The following VIT variants were observed in gnomAD, a reference collection of about 807,000 sequenced individuals.
VIT encodes the protein vitrin.
In VIT, 99 loss-of-function variants were observed where a neutral mutation model predicts 78.0. The ratio of observed to expected loss-of-function variants is 1.27; its 90% CI spans 1.08 to 1.50. The LOEUF is 1.50. Among genes scored for constraint, VIT ranks in the 40% most tolerant of loss-of-function variants. The pLI, the probability that VIT is intolerant of heterozygous loss-of-function variation, is 0.00. For missense variants in VIT, 1,126 were observed against 875.3 expected (o/e 1.29, Z -3.61); for synonymous variants, 374 against 334.3 (o/e 1.12, Z -1.29).
At chr2:36,805,982 ACTCTCTCT>A (rs149938226) in intron 14 of VIT, among the ~76,000 whole-genome samples, 2 of 150,226 alleles carry the variant, frequency 1.3e-5, no homozygotes, top group African/African-American at 4.9e-5. Flanking sequence ...AAGCGAACAT[ACTCTCTCT>A]CTCTCTCTCA....
chr2:36,746,437 CT>C (rs1293727831), intron 4 of VIT, among the ~76,000 whole-genome samples: 4 of 151,698 alleles, frequency 2.6e-5, no homozygotes, highest in East Asian at 1.9e-4. Flanking sequence ...TGGTCCAGGG[CT>C]TTTTTTTGGT....
chr2:36,807,824 G>C (rs1666839585), intron 14 of VIT, among the ~76,000 whole-genome samples: 1 of 152,218 alleles, frequency 6.6e-6, no homozygotes, highest in Middle Eastern at 3.2e-3. Flanking sequence ...AGGTGAATAG[G>C]TTTGTGTTCC....
At chr2:36,712,872 T>G (rs1665893115) in intron 1 of VIT, among the ~76,000 whole-genome samples, 1 of 152,224 alleles carries the variant, frequency 6.6e-6, no homozygotes, top group Non-Finnish European at 1.5e-5. Context: ...TTCAGTAGTT[T>G]CTAATGTATT....
chr2:36,706,964 C>G (rs1665465447), intron 1 of VIT, among the ~76,000 whole-genome samples: 1 of 151,888 alleles, frequency 6.6e-6, no homozygotes, highest in Non-Finnish European at 1.5e-5. Flanking sequence ...AAGTCACTTC[C>G]CTGCTCTGAA....
intron 15 of VIT, 28 bp from the exon 16 acceptor site, chr2:36,814,155 T>C: frequency 1.9e-6 from 3 of 1,604,084 alleles, no homozygotes; most frequent in Non-Finnish European, 2.6e-6. Context: ...CTTGGGGACA[T>C]TTGTTCATCT....
At chr2:36,724,949 A>G (rs1573156064) in intron 2 of VIT, among the ~76,000 whole-genome samples, 1 of 152,324 alleles carries the variant, frequency 6.6e-6, no homozygotes, top group Admixed American at 6.5e-5. Flanking sequence ...TTTTAAAAAT[A>G]TTATAGGATT....
intron 2 of VIT, among the ~76,000 whole-genome samples, chr2:36,726,068 C>CAAA (rs201797565): frequency 2.0e-5 from 2 of 100,872 alleles, no homozygotes; most frequent in Non-Finnish European, 4.4e-5. Context: ...GACTCTGTCT[C>CAAA]AAAAAAAAAA....
At chr2:36,719,844 G>C (rs1425244746) in intron 2 of VIT, among the ~76,000 whole-genome samples, 2 of 152,096 alleles carry the variant, frequency 1.3e-5, no homozygotes, top group Non-Finnish European at 2.9e-5. Flanking sequence ...GGGAGTCTGA[G>C]GTGGGAAGAT....
intron 14 of VIT, 23 bp from the exon 15 acceptor site, chr2:36,808,449 G>T (rs768332861): frequency 6.3e-7 from 1 of 1,580,414 alleles, no homozygotes; most frequent in Admixed American, 1.7e-5. Flanking sequence ...ACGTGGCGTG[G>T]GTCCCTCCCC....
At chr2:36,761,789 T>G (rs1669138714) in intron 6 of VIT, among the ~76,000 whole-genome samples, 2 of 151,988 alleles carry the variant, frequency 1.3e-5, no homozygotes, top group South Asian at 4.2e-4. Context: ...GGCTTCAGCT[T>G]TGGGCCGTAT....
chr2:36,774,998 TC>T lies in VIT; in HGVS notation c.737-3del, dbSNP rs1669966257. ...AATCGGCTGACCCTGTGTAATCCCCTCAGGTATCCAAAGGCAAGATCCTTCA... is the reference window on the plus strand; with the variant it reads ...AATCGGCTGACCCTGTGTAATCCCCTAGGTATCCAAAGGCAAGATCCTTCA... On this transcript the variant is annotated splice_region_variant and splice_polypyrimidine_tract_variant and intron_variant, in intron 8 of 15. Coordinates refer to ENST00000379242, the MANE Select transcript of VIT (RefSeq NM_053276.4). The T allele has an allele frequency of 1.2e-6, 2 of 1,613,968 alleles. No homozygotes were observed. The highest frequency in any genetic ancestry group is 1.7e-6 in the Non-Finnish European group (2 of 1,180,016).
At chr2:36,742,462 G>A (rs969840883) in intron 3 of VIT, among the ~76,000 whole-genome samples, 3 of 152,164 alleles carry the variant, frequency 2.0e-5, no homozygotes, top group African/African-American at 7.2e-5. Context: ...TCAGATCTAA[G>A]CCTAGAGGAT....
intron 12 of VIT, among the ~76,000 whole-genome samples, chr2:36,797,408 A>G (rs966514361): frequency 1.3e-5 from 2 of 152,200 alleles, no homozygotes; most frequent in African/African-American, 4.8e-5. Flanking sequence ...GGGGACGGAA[A>G]GGATGGGAGA....
In VIT at chr2:36,716,292, G is replaced by A. The variant is rs931152723; in HGVS notation, c.-18-61G>A. 7.1e-6 allele frequency: 10 copies of A among 1,400,774 alleles called. No individual in the cohort carries two copies. The African/African-American group carries it at 1.4e-4, about 20-fold the overall frequency. 86.8% of individuals were successfully genotyped at this position (1,400,774 alleles called of 1,614,324 possible). On this transcript the variant is annotated intron_variant, in intron 1 of 15. Coordinates refer to ENST00000379242, the MANE Select transcript of VIT (RefSeq NM_053276.4). ...GATGCAGTCTATCCCCACACACTCT[G>A]TGCATCCAAATCAGAACCCCCGGCT...
At chr2:36,801,568 G>T (rs1195073936) in intron 13 of VIT, among the ~76,000 whole-genome samples, 164 bp downstream of exon 13, 4 of 152,166 alleles carry the variant, frequency 2.6e-5, no homozygotes, top group Admixed American at 2.0e-4. Context: ...AGCACTTTGG[G>T]AGGCTGAAGC....
At chr2:36,716,836 T>C (rs1261343942) in intron 2 of VIT, among the ~76,000 whole-genome samples, 1 of 150,604 alleles carries the variant, frequency 6.6e-6, no homozygotes, top group Non-Finnish European at 1.5e-5. Context: ...GCTCTACCTA[T>C]AGCATTAGCA....
intron 10 of VIT, among the ~76,000 whole-genome samples, chr2:36,782,604 C>A (rs768688714): frequency 2.0e-5 from 3 of 152,186 alleles, no homozygotes; most frequent in Non-Finnish European, 2.9e-5. Context: ...GAAGCCCATT[C>A]GTGTTACCAA....
intron 4 of VIT, among the ~76,000 whole-genome samples, chr2:36,752,832 T>A (rs1164783560): frequency 6.6e-6 from 1 of 152,218 alleles, no homozygotes; most frequent in Non-Finnish European, 1.5e-5. Flanking sequence ...AGAAATACCA[T>A]TTGACCCAGC....
intron 13 of VIT, 60 bp from the exon 14 acceptor site, chr2:36,805,378 C>G (rs1470994149): frequency 2.0e-6 from 3 of 1,482,760 alleles, no homozygotes; most frequent in African/African-American, 2.8e-5. Context: ...CTGCTGTGAT[C>G]TCTTCCTGTA....
Sources: gnomAD v4.1 joint callset for allele counts (sites outside exome capture counted in the v4.1 genomes callset) on GRCh38, gnomAD v4.1.1 for gene constraint, MANE v1.5 for transcripts, NCBI Gene and HGNC (gene_info 2026-07-23, HGNC 2026-07-21) for gene names.